Variants in KRT84 observed in about 807,000 individuals in gnomAD.
KRT84 encodes keratin, type II cuticular Hb4.
KRT84 carries 38 observed loss-of-function variants against 49.0 expected under a neutral mutation model. That is an observed-to-expected ratio of 0.78 (90% CI 0.60 to 1.02). The LOEUF is 1.02. Among genes scored for constraint, KRT84 ranks in the 50% least tolerant of loss-of-function variants. KRT84 has a pLI of 0.00. For synonymous variants in KRT84, 334 were observed against 312.8 expected (o/e 1.07, Z -0.72); for missense variants, 860 against 788.6 (o/e 1.09, Z -1.08).
intron 4 of KRT84, 71 bp from the exon 5 acceptor site, chr12:52,381,596 G>T (rs1018084139): frequency 1.3e-6 from 2 of 1,503,322 alleles, no homozygotes; most frequent in Non-Finnish European, 9.1e-7. Context: ...GCCACAGGGG[G>T]CCCAGGAAGT....
intron 4 of KRT84, among the ~76,000 whole-genome samples, chr12:52,382,214 A>G (rs1206061963): frequency 1.3e-5 from 2 of 152,222 alleles, no homozygotes; most frequent in Non-Finnish European, 2.9e-5. Flanking sequence ...AAGGAGTTGG[A>G]TCATAGATCC....
At chr12:52,381,596 G>GC (rs1939486878) in intron 4 of KRT84, 71 bp from the exon 5 acceptor site, 1 of 1,503,336 alleles carries the variant, frequency 6.7e-7, no homozygotes, top group Admixed American at 1.8e-5. Flanking sequence ...GCCACAGGGG[G>GC]CCCAGGAAGT....
chr12:52,381,127 G>A lies in KRT84; in HGVS notation c.1156C>T (p.Arg386Cys), dbSNP rs771901130. The A allele has an allele frequency of 3.2e-5, 52 of 1,613,968 alleles. No individual in the cohort carries two copies. The highest frequency in any genetic ancestry group is 5.3e-5 in the African/African-American group (4 of 74,884). Reference protein sequence around the residue: ...NIRNEINELTRLIQRLKAEIE... With the variant: ...NIRNEINELTCLIQRLKAEIE... The stretch of plus-strand genomic sequence containing the variant: ...TCTGCCTTAAGCCTCTGGATCAGGC[G>A]GGTCAGTTCGTTGATCTCGTTCCGT... Residue 386 changes from arginine to cysteine, a missense_variant, in exon 6 of 9, where the codon CGC (arginine) becomes TGC (cysteine). Transcript: ENST00000257951.
intron 5 of KRT84, 23 bp downstream of exon 5, chr12:52,381,338 C>T: frequency 1.2e-6 from 2 of 1,614,070 alleles, no homozygotes; most frequent in Non-Finnish European, 1.7e-6. Flanking sequence ...GCCTACATCC[C>T]TTCCCCAGCC....
intron 8 of KRT84, 143 bp from the exon 9 acceptor site, chr12:52,378,523 T>G: frequency 1.8e-6 from 1 of 560,698 alleles, no homozygotes; most frequent in Non-Finnish European, 3.0e-6. Flanking sequence ...CTATTGTCTA[T>G]ACAGTCAGTA....
chr12:52,382,402 TCTC>T lies in KRT84; in HGVS notation c.912+32_912+34del, dbSNP rs1382712996. Reference sequence around the variant, plus strand: ...TCAGGGAGTCCAGGCCAAGCATTGATCTCCTTGGGTGCCCTAGAGAAGATGAAC... The same window carrying T: ...TCAGGGAGTCCAGGCCAAGCATTGATCTTGGGTGCCCTAGAGAAGATGAAC... On this transcript the variant is annotated intron_variant, in intron 4 of 8. Transcript: ENST00000257951. 8 of 1,404,674 alleles carry T rather than the reference TCTC, an allele frequency of 5.7e-6. No individual in the cohort carries two copies. In the African/African-American group the frequency reaches 1.1e-4, roughly 20 times the overall value. The allele number at this position is 1,404,674 out of a possible 1,614,324, so 87.0% of individuals were successfully genotyped here. A position where few individuals can be genotyped will look rare whatever the true frequency, so the allele number is the denominator to read the frequency against.
In KRT84 at chr12:52,381,498, A is replaced by T; in HGVS notation, c.940T>A (p.Ser314Thr). ...ATCTTCACAATGACCGACGTCTCTG[A>T]GATGTGCGACTGCAGCAACTGGATT... is the stretch of plus-strand genomic sequence containing the variant. ...EEIQLLQSHI[S>T]ETSVIVKMDN... is the part of the protein sequence containing the mutation. The change falls in exon 5 of 9, where the codon TCA becomes ACA. Residue 314 changes from serine (S) to threonine (T), a missense_variant. Coordinates refer to ENST00000257951, the MANE Select transcript of KRT84 (RefSeq NM_033045.4). 1 of 1,614,048 alleles carries T rather than the reference A, an allele frequency of 6.2e-7. No homozygotes were observed. Among genetic ancestry groups the T allele is most frequent in the Non-Finnish European group, 8.5e-7 (1 of 1,180,022 alleles).
At position 52,378,185 on chromosome 12, in the gene KRT84, G is replaced by A; in HGVS notation, c.1652C>T (p.Thr551Ile). The A allele has an allele frequency of 6.3e-7, 1 of 1,578,470 alleles. No individual in the cohort carries two copies. Among genetic ancestry groups the A allele is most frequent in the African/African-American group, 1.3e-5 (1 of 74,280 alleles). Reference sequence around the variant, plus strand: ...GCTGATGAGCATGGAGCCACTCCTTGTGCCAGTGCTCAGCAGGTCCCCAGT... The same window carrying A: ...GCTGATGAGCATGGAGCCACTCCTTATGCCAGTGCTCAGCAGGTCCCCAGT... Reference protein sequence around the residue: ...PATGDLLSTGTRSGSMLISEA... With the variant: ...PATGDLLSTGIRSGSMLISEA... The change falls in exon 9 of 9, where the codon ACA (threonine) becomes ATA (isoleucine). Residue 551 changes from threonine (T) to isoleucine (I), a missense_variant. By Grantham distance (89) the Thr-to-Ile change is moderately conservative. Transcript: ENST00000257951.
chr12:52,383,461 C>T (rs962350210), intron 2 of KRT84, 129 bp downstream of exon 2: 2 of 632,764 alleles, frequency 3.2e-6, no homozygotes, highest in Admixed American at 3.1e-5. Flanking sequence ...CCACCCCCAC[C>T]TCCCCAGGCT....
chr12:52,383,691 G>T lies in KRT84; in HGVS notation c.654C>A (p.Ile218=), dbSNP rs774479019. 24 of 1,614,084 alleles carry T rather than the reference G, an allele frequency of 1.5e-5. No homozygotes were observed. Among genetic ancestry groups the T allele is most frequent in the Non-Finnish European group, 1.9e-5 (23 of 1,180,032 alleles). Residue 218 remains isoleucine (I), a synonymous_variant, in exon 2 of 9, where the codon ATC becomes ATA. Coordinates refer to ENST00000257951, the MANE Select transcript of KRT84 (RefSeq NM_033045.4). ...CCTCCAACTGCCTCCGCAGGTTGGT[G>T]ATGTAGCTCTCGAAGAGTGGCTCCA... ...SNLEPLFESY[I]TNLRRQLEVL...
At position 52,382,437 on chromosome 12, in the gene KRT84, C is replaced by A; in HGVS notation, c.912G>T (p.Glu304Asp). Residue 304 changes from glutamate to aspartate, a missense_variant and splice_region_variant, in exon 4 of 9, where the codon GAG becomes GAT. By Grantham distance (45) the Glu-to-Asp change is conservative. Transcript: ENST00000257951. The stretch of plus-strand genomic sequence containing the variant: ...TGCCCTAGAGAAGATGAACCCTCAC[C>A]TCCATGTAAAGCGTTTTTAGAAAGT... ...EIDFLKTLYM[E>D]EIQLLQSHIS... 2 of 1,610,194 alleles carry A rather than the reference C, an allele frequency of 1.2e-6. No individual in the cohort carries two copies. The highest frequency in any genetic ancestry group is 1.7e-6 in the Non-Finnish European group (2 of 1,176,364).
intron 4 of KRT84, among the ~76,000 whole-genome samples, chr12:52,381,971 C>A (rs552810467): frequency 1.3e-5 from 2 of 152,298 alleles, no homozygotes; most frequent in Non-Finnish European, 2.9e-5. Context: ...GACTGGCCTG[C>A]AAAGAGAGTT....
In KRT84 at chr12:52,383,606, C is replaced by T. The variant is rs764697065; in HGVS notation, c.739G>A (p.Glu247Lys). ...GTCACTCACTTCTTCTTGAAGCCCT[C>T]TAGGACATCCTGCAGGTGGTTCCTC... ...AERNHLQDVL[E>K]GFKKKYEEEV... The change falls in exon 2 of 9, where the codon GAG (glutamate) becomes AAG (lysine). Residue 247 changes from glutamate to lysine, a missense_variant. Transcript: ENST00000257951. 3.7e-6 allele frequency: 6 copies of T among 1,613,138 alleles called. No homozygotes were observed. The highest frequency in any genetic ancestry group is 5.1e-6 in the Non-Finnish European group (6 of 1,179,992).
At position 52,385,293 on chromosome 12, in the gene KRT84, C is replaced by T. The variant is rs778079868; in HGVS notation, c.293G>A (p.Arg98Lys). The T allele has an allele frequency of 5.6e-6, 9 of 1,614,110 alleles. No homozygotes were observed. Among genetic ancestry groups the T allele is most frequent in the East Asian group, 2.2e-5 (1 of 44,876 alleles). ...GCCCAGACCAACACAGCTGTCAGCC[C>T]TAGGCCCCAGACCAACACCTCTCCC... is the stretch of plus-strand genomic sequence containing the variant. ...GDGRGVGLGP[R>K]ADSCVGLGFG... The change falls in exon 1 of 9, where the codon AGG becomes AAG. Residue 98 changes from arginine to lysine, a missense_variant. Physicochemically the swap from Arg to Lys is conservative, Grantham distance 26 (BLOSUM62 2). Transcript: ENST00000257951.
In KRT84 at chr12:52,382,219, A is replaced by C. The variant is rs1224061849; in HGVS notation, c.912+218T>G. ...ATTGGTAAATAAGGAGTTGGATCATAGATCCAAGGAGTTTGACTTGCATCA... is the reference window on the plus strand; with the variant it reads ...ATTGGTAAATAAGGAGTTGGATCATCGATCCAAGGAGTTTGACTTGCATCA... On this transcript the variant is annotated intron_variant, in intron 4 of 8. Coordinates refer to ENST00000257951, the MANE Select transcript of KRT84 (RefSeq NM_033045.4). Among the ~76,000 whole-genome samples, 3 of 152,352 alleles carry C rather than the reference A, an allele frequency of 2.0e-5. No individual in the cohort carries two copies. In the South Asian group the frequency reaches 6.2e-4, roughly 32 times the overall value.
Position 52,385,484 on chromosome 12 carries a change from G to T in KRT84, c.102C>A (p.Asn34Lys). 1.9e-6 allele frequency: 3 copies of T among 1,614,254 alleles called. No homozygotes were observed. The highest frequency in any genetic ancestry group is 1.7e-5 in the Admixed American group (1 of 60,026). The change falls in exon 1 of 9, where the codon AAC (asparagine) becomes AAA (lysine). Residue 34 changes from asparagine to lysine, a missense_variant. By Grantham distance (94) the Asn-to-Lys change is moderately conservative. Coordinates refer to ENST00000257951, the MANE Select transcript of KRT84 (RefSeq NM_033045.4). ...TPQNLNRFRA[N>K]SVSCWSGPGF... ...CAGGCCCACTCCAACAGGAGACAGAGTTGGCCCGGAAGCGATTCAGGTTCT... is the reference window on the plus strand; with the variant it reads ...CAGGCCCACTCCAACAGGAGACAGATTTGGCCCGGAAGCGATTCAGGTTCT...
chr12:52,378,692 T>C (rs1939430423), intron 8 of KRT84, among the ~76,000 whole-genome samples: 1 of 152,210 alleles, frequency 6.6e-6, no homozygotes, highest in Admixed American at 6.5e-5. Flanking sequence ...GGTTGTGAGA[T>C]GTAGGTAGTG....
chr12:52,385,607 A>G lies in KRT84; in HGVS notation c.-22T>C, dbSNP rs1732305. 0.23 allele frequency: 367,559 copies of G among 1,603,826 alleles called. 47,938 individuals are homozygous for G. Among genetic ancestry groups the G allele is most frequent in the African/African-American group, 0.57 (42,659 of 74,702 alleles). On this transcript the variant is annotated 5_prime_UTR_variant, in exon 1 of 9. Transcript: ENST00000257951. ...ACATGATGGCTTCCTGGTTGGGAGC[A>G]AAAGAGCAAGTGTAGAATGGGTGAG...
intron 5 of KRT84, 37 bp downstream of exon 5, chr12:52,381,324 A>AGCT: frequency 2.5e-6 from 4 of 1,613,574 alleles, no homozygotes; most frequent in Non-Finnish European, 3.4e-6. Context: ...TCATTCCCAG[A>AGCT]GCTGCCTACA....
Sources: gnomAD v4.1 joint callset for allele counts (sites outside exome capture counted in the v4.1 genomes callset) on GRCh38, gnomAD v4.1.1 for gene constraint, MANE v1.5 for transcripts, NCBI Gene and HGNC (gene_info 2026-07-23, HGNC 2026-07-21) for gene names.